Variants in KLHL32 observed in about 807,000 individuals in gnomAD.
KLHL32 encodes the protein kelch-like protein 32.
Under a neutral mutation model 64.8 loss-of-function variants are expected in KLHL32, and 35 were observed. The ratio of observed to expected loss-of-function variants is 0.54; its 90% CI spans 0.41 to 0.72. The LOEUF (loss-of-function observed/expected upper bound fraction) is 0.72, where lower values mean the gene tolerates loss of function less well. Among genes scored for constraint, KLHL32 ranks in the 30% least tolerant of loss-of-function variants. The pLI, the probability that KLHL32 is intolerant of heterozygous loss-of-function variation, is 0.00. For synonymous variants in KLHL32, 259 were observed against 281.0 expected (o/e 0.92, Z 0.78); for missense variants, 589 against 768.5 (o/e 0.77, Z 2.76).
intron 7 of KLHL32, among the ~76,000 whole-genome samples, chr6:97,127,060 G>A (rs913285097): frequency 6.6e-6 from 1 of 152,150 alleles, no homozygotes; most frequent in African/African-American, 2.4e-5. Context: ...CTATGTCCCT[G>A]GCATAAACTG....
chr6:96,913,285 A>G, the KLHL32 span, among the ~76,000 whole-genome samples: 38 of 152,238 alleles, frequency 2.5e-4, no homozygotes, highest in Non-Finnish European at 2.4e-4. Flanking sequence ...TAGACAAATT[A>G]TGGTCTATCT....
intron 10 of KLHL32, 61 bp from the exon 11 acceptor site, chr6:97,139,060 C>T (rs1800388687): frequency 6.7e-7 from 1 of 1,486,934 alleles, no homozygotes; most frequent in African/African-American, 1.4e-5. Flanking sequence ...TTTATGTATA[C>T]ATAGCTTTAT....
intron 3 of KLHL32, among the ~76,000 whole-genome samples, chr6:97,014,258 G>A (rs542016717): frequency 1.3e-5 from 2 of 150,464 alleles, no homozygotes; most frequent in South Asian, 4.2e-4. Flanking sequence ...TCGCGCCACT[G>A]CACTCCAACC....
chr6:96,973,730 C>CTTTTTTTTTTTTTTTTTTTT lies in KLHL32; in HGVS notation c.24-2256_24-2255insTTTTTTTTTTTTTTTTTTTT, dbSNP rs558193523. Among the ~76,000 whole-genome samples the CTTTTTTTTTTTTTTTTTTTT allele has an allele frequency of 5.8e-4, 68 of 118,184 alleles. 4 individuals are homozygous for CTTTTTTTTTTTTTTTTTTTT. The highest frequency in any genetic ancestry group is 1.6e-3 in the East Asian group (7 of 4,246). The allele number at this position is 118,184 out of a possible 152,430, so 77.5% of individuals were successfully genotyped here. ...GATTTTTGAGATCTTTACAGATTGC[C>CTTTTTTTTTTTTTTTTTTTT]TTTTTTTTTTTAGACAGAGTCTCGC... is the stretch of plus-strand genomic sequence containing the variant. On this transcript the variant is annotated intron_variant, in intron 2 of 10. Coordinates refer to ENST00000369261, the MANE Select transcript of KLHL32 (RefSeq NM_052904.4).
At chr6:96,972,474 A>G (rs1192190847) in intron 2 of KLHL32, among the ~76,000 whole-genome samples, 1 of 152,150 alleles carries the variant, frequency 6.6e-6, no homozygotes, top group Non-Finnish European at 1.5e-5. Flanking sequence ...ACTCTTTTGT[A>G]TTGATGCAGT....
In KLHL32 at chr6:96,965,828, A is replaced by G. The variant is rs547582239; in HGVS notation, c.-65-1168A>G. ...TTTTAGGTTTGTCCAGACTTAAGTT[A>G]GAAATAAATGGAAGTAGAGACATAC... On this transcript the variant is annotated intron_variant, in intron 1 of 10. Transcript: ENST00000369261. 2.0e-5 allele frequency among the ~76,000 whole-genome samples: 3 copies of G among 152,352 alleles called. No individual in the cohort carries two copies. The South Asian group carries it at 6.2e-4, about 32-fold the overall frequency.
chr6:96,973,223 G>A (rs977704288), intron 2 of KLHL32, among the ~76,000 whole-genome samples: 4 of 152,202 alleles, frequency 2.6e-5, no homozygotes, highest in African/African-American at 7.2e-5. Flanking sequence ...TAAAAGCTGA[G>A]GCTTTTATTC....
chr6:97,058,806 C>A (rs1252732431), intron 4 of KLHL32, among the ~76,000 whole-genome samples: 5 of 151,834 alleles, frequency 3.3e-5, no homozygotes, highest in African/African-American at 1.2e-4. Flanking sequence ...ATTTGCCAAG[C>A]AGGAAAATAC....
intron 1 of KLHL32, among the ~76,000 whole-genome samples, chr6:96,953,778 C>A (rs1016530799): frequency 7.0e-6 from 1 of 142,396 alleles, no homozygotes; most frequent in Admixed American, 7.2e-5. Flanking sequence ...TTATGACAAT[C>A]TAAATGTTAT....
At chr6:97,088,457 C>A (rs879382) in intron 6 of KLHL32, among the ~76,000 whole-genome samples, 10,096 of 152,134 alleles carry the variant, frequency 0.066, 765 homozygotes, top group Admixed American at 0.21. Flanking sequence ...TTCAGTAGGG[C>A]CCTGTTAAAT....
chr6:97,121,299 A>G (rs895096226), intron 7 of KLHL32, among the ~76,000 whole-genome samples: 1 of 152,190 alleles, frequency 6.6e-6, no homozygotes, highest in African/African-American at 2.4e-5. Context: ...AAGGTCTGCA[A>G]AATAGATGCT....
intron 5 of KLHL32, among the ~76,000 whole-genome samples, chr6:97,084,653 A>G (rs535868368): frequency 8.5e-5 from 13 of 152,290 alleles, no homozygotes; most frequent in Non-Finnish European, 1.8e-4. Flanking sequence ...TTAAAGACCT[A>G]CTTAGTTTGA....
chr6:97,052,286 T>TGTACTG (rs1273766488), intron 4 of KLHL32, among the ~76,000 whole-genome samples: 2 of 152,188 alleles, frequency 1.3e-5, no homozygotes, highest in Non-Finnish European at 2.9e-5. Flanking sequence ...GAATGAATGT[T>TGTACTG]GTACTGTCAA....
intron 4 of KLHL32, among the ~76,000 whole-genome samples, chr6:97,057,468 C>CTA (rs1788165332): frequency 6.6e-6 from 1 of 151,122 alleles, no homozygotes; most frequent in Non-Finnish European, 1.5e-5. Context: ...AGGCGTGAGC[C>CTA]ACCGCGCCCG....
chr6:96,903,302 C>T, the KLHL32 span, among the ~76,000 whole-genome samples: 6 of 151,874 alleles, frequency 4.0e-5, no homozygotes, highest in Non-Finnish European at 7.4e-5. Flanking sequence ...TACTCTCATT[C>T]CCTTGTGTGA....
rs116727348 is a variant in KLHL32 at position 96,927,908 on chromosome 6, A to T, written c.-66+2882A>T. ...GCTCTTCTGTGAGCAAGCTACTTCCATATCGGCTTCACAATGACTCTATAA... is the reference window on the plus strand; with the variant it reads ...GCTCTTCTGTGAGCAAGCTACTTCCTTATCGGCTTCACAATGACTCTATAA... On this transcript the variant is annotated intron_variant, in intron 1 of 10. Coordinates refer to ENST00000369261, the MANE Select transcript of KLHL32 (RefSeq NM_052904.4). Among the ~76,000 whole-genome samples, 342 of 152,334 alleles carry T rather than the reference A, an allele frequency of 2.2e-3. 2 individuals carry two copies. Among genetic ancestry groups the T allele is most frequent in the African/African-American group, 7.7e-3 (322 of 41,572 alleles).
At chr6:97,070,480 G>A (rs886307334) in intron 5 of KLHL32, among the ~76,000 whole-genome samples, 1 of 152,046 alleles carries the variant, frequency 6.6e-6, no homozygotes, top group Non-Finnish European at 1.5e-5. Context: ...TATTATGTTG[G>A]CTTTTATTCC....
the KLHL32 span, among the ~76,000 whole-genome samples, chr6:96,912,703 T>C: frequency 1.3e-5 from 2 of 152,198 alleles, no homozygotes; most frequent in Non-Finnish European, 2.9e-5. Flanking sequence ...TCAATAAGTA[T>C]TAGCTATTAT....
At chr6:96,936,904 T>C (rs1770673484) in intron 1 of KLHL32, among the ~76,000 whole-genome samples, 1 of 152,158 alleles carries the variant, frequency 6.6e-6, no homozygotes, top group Non-Finnish European at 1.5e-5. Flanking sequence ...CCCACTGTCT[T>C]ACCTCCTTCG....
Sources: gnomAD v4.1 joint callset for allele counts (sites outside exome capture counted in the v4.1 genomes callset) on GRCh38, gnomAD v4.1.1 for gene constraint, MANE v1.5 for transcripts, NCBI Gene and HGNC (gene_info 2026-07-23, HGNC 2026-07-21) for gene names.